Variants in RBM20 observed in about 807,000 individuals in gnomAD.
RBM20 encodes the protein RNA-binding protein 20.
In RBM20, 51 loss-of-function variants were observed where a neutral mutation model predicts 110.1. That is an observed-to-expected ratio of 0.46 (90% CI 0.37 to 0.59). RBM20 has a LOEUF of 0.59. RBM20 is among the 20% of genes least tolerant of loss of function. The pLI is 0.00. For synonymous variants in RBM20, 589 were observed against 618.2 expected, an observed-to-expected ratio of 0.95 and a Z score of 0.70; for missense variants, 1,512 against 1,574.9, an observed-to-expected ratio of 0.96 and a Z score of 0.68.
At chr10:110,704,478 T>C (rs1220295400) in intron 1 of RBM20, among the ~76,000 whole-genome samples, 1 of 152,240 alleles carries the variant, frequency 6.6e-6, no homozygotes, top group Non-Finnish European at 1.5e-5. Flanking sequence ...ACTTTAATAA[T>C]TATAAAAAAC....
At chr10:110,678,494 T>A (rs1365690726) in intron 1 of RBM20, among the ~76,000 whole-genome samples, 3 of 152,196 alleles carry the variant, frequency 2.0e-5, no homozygotes. Context: ...ATGGAAAGCA[T>A]CCTATTGTGT....
At chr10:110,801,017 A>G (rs1247477445) in intron 7 of RBM20, among the ~76,000 whole-genome samples, 1 of 152,238 alleles carries the variant, frequency 6.6e-6, no homozygotes, top group Non-Finnish European at 1.5e-5. Context: ...CTAGAGGTAC[A>G]TACATAACTA....
intron 1 of RBM20, among the ~76,000 whole-genome samples, chr10:110,716,538 C>T (rs1241061322): frequency 1.3e-5 from 2 of 152,078 alleles, no homozygotes; most frequent in East Asian, 1.9e-4. Context: ...AGTCAGTGTA[C>T]AAGAAACAAT....
In RBM20 at chr10:110,656,386, C is replaced by T. The variant is rs190721067; in HGVS notation, c.191+11741C>T. 1.2e-3 allele frequency among the ~76,000 whole-genome samples: 185 copies of T among 152,340 alleles called. 1 individual carries two copies. The highest frequency in any genetic ancestry group is 3.8e-3 in the African/African-American group (156 of 41,572). Reference sequence around the variant, plus strand: ...CTTTCCCTCTTCTCCTTATCCCCCTCACATTCAGGGAACCACTGATCTGCT... The same window carrying T: ...CTTTCCCTCTTCTCCTTATCCCCCTTACATTCAGGGAACCACTGATCTGCT... On this transcript the variant is annotated intron_variant, in intron 1 of 13. Coordinates refer to ENST00000369519, the MANE Select transcript of RBM20 (RefSeq NM_001134363.3).
At chr10:110,798,624 G>C (rs61417443) in intron 6 of RBM20, among the ~76,000 whole-genome samples, 1 of 152,132 alleles carries the variant, frequency 6.6e-6, no homozygotes, top group African/African-American at 2.4e-5. Flanking sequence ...AAACCCTAAA[G>C]AATCTTGACT....
intron 1 of RBM20, among the ~76,000 whole-genome samples, chr10:110,763,268 G>A (rs970410416): frequency 6.6e-6 from 1 of 151,916 alleles, no homozygotes; most frequent in Non-Finnish European, 1.5e-5. Context: ...GTCCCAGCAG[G>A]AGGGAAGCCC....
At chr10:110,806,281 A>T (rs1435001549) in intron 7 of RBM20, among the ~76,000 whole-genome samples, 1 of 151,706 alleles carries the variant, frequency 6.6e-6, no homozygotes, top group Admixed American at 6.6e-5. Flanking sequence ...AAAAAAAAAA[A>T]GAACTACCTG....
rs191949907 is a variant in RBM20, at chr10:110,767,906, C to T, written c.192-12895C>T. 4.0e-3 allele frequency among the ~76,000 whole-genome samples: 614 copies of T among 152,342 alleles called. 5 individuals are homozygous for T. Among genetic ancestry groups the T allele is most frequent in the African/African-American group, 0.014 (583 of 41,572 alleles). ...ACGATGGGTGGAGGTTGTAGCCAGC[C>T]GAGATCACGCCACTGCGCTCCAGCC... On this transcript the variant is annotated intron_variant, in intron 1 of 13. Transcript: ENST00000369519.
At chr10:110,829,676 C>G (rs1185524631) in intron 12 of RBM20, among the ~76,000 whole-genome samples, 1 of 152,216 alleles carries the variant, frequency 6.6e-6, no homozygotes, top group African/African-American at 2.4e-5. Flanking sequence ...CTCCTAGGCA[C>G]TTAGCTCAGT....
intron 1 of RBM20, among the ~76,000 whole-genome samples, chr10:110,687,192 A>C (rs17127804): frequency 0.014 from 2,070 of 152,308 alleles, 69 homozygotes; most frequent in Admixed American, 0.073. Flanking sequence ...TCATATGGTA[A>C]TGTCTAGAAA....
intron 9 of RBM20, among the ~76,000 whole-genome samples, chr10:110,814,051 C>CA (rs1002342605): frequency 6.6e-6 from 1 of 152,106 alleles, no homozygotes; most frequent in African/African-American, 2.4e-5. Flanking sequence ...TGGCAATATG[C>CA]ATAAGGAGCC....
At chr10:110,785,429 G>T (rs1349310477) in intron 5 of RBM20, among the ~76,000 whole-genome samples, 1 of 152,132 alleles carries the variant, frequency 6.6e-6, no homozygotes, top group Admixed American at 6.5e-5. Flanking sequence ...AATGGTGTAT[G>T]CCTGTAGTCG....
intron 1 of RBM20, among the ~76,000 whole-genome samples, chr10:110,682,839 C>A (rs1196747977): frequency 6.6e-6 from 1 of 152,194 alleles, no homozygotes; most frequent in Non-Finnish European, 1.5e-5. Context: ...TTTTGGCATT[C>A]ATCTGTGGAG....
intron 1 of RBM20, among the ~76,000 whole-genome samples, chr10:110,661,942 C>T (rs1164914628): frequency 3.3e-5 from 5 of 150,222 alleles, no homozygotes; most frequent in Non-Finnish European, 7.4e-5. Context: ...ACCCAGGAGG[C>T]GGAAGCTGCA....
chr10:110,737,787 C>T (rs917094904), intron 1 of RBM20, among the ~76,000 whole-genome samples: 3 of 152,084 alleles, frequency 2.0e-5, no homozygotes, highest in East Asian at 3.9e-4. Context: ...AGGAATACAC[C>T]ACTATTTATT....
chr10:110,724,042 G>A (rs766975931), intron 1 of RBM20, among the ~76,000 whole-genome samples: 4 of 152,108 alleles, frequency 2.6e-5, no homozygotes, highest in Non-Finnish European at 5.9e-5. Context: ...GCTCAGAAAG[G>A]TTACATTACT....
chr10:110,678,261 T>C (rs765892139), intron 1 of RBM20, among the ~76,000 whole-genome samples: 2 of 152,212 alleles, frequency 1.3e-5, no homozygotes, highest in African/African-American at 2.4e-5. Flanking sequence ...AGATTAAATG[T>C]AATTATGCAA....
At chr10:110,834,557 G>A (rs74840809) in intron 13 of RBM20, among the ~76,000 whole-genome samples, 6 of 152,318 alleles carry the variant, frequency 3.9e-5, no homozygotes, top group Non-Finnish European at 5.9e-5. Context: ...CAACATTACT[G>A]AGTGTTTATT....
At chr10:110,777,502 A>G (rs1273091797) in intron 1 of RBM20, among the ~76,000 whole-genome samples, 1 of 152,216 alleles carries the variant, frequency 6.6e-6, no homozygotes. Flanking sequence ...ATGTGAAATC[A>G]CTTCTACTCA....
Sources: allele counts gnomAD v4.1 joint callset (sites outside exome capture counted in the v4.1 genomes callset), GRCh38; gene constraint gnomAD v4.1.1; transcripts MANE v1.5; gene names NCBI Gene and HGNC (gene_info 2026-07-23, HGNC 2026-07-21).